PIK3C2G: variants seen among roughly 807,000 people sequenced by gnomAD.
PIK3C2G encodes the protein phosphatidylinositol 3-kinase C2 domain-containing subunit gamma.
Under a neutral mutation model 181.1 loss-of-function variants are expected in PIK3C2G, and 168 were observed. That is an observed-to-expected ratio of 0.93 (90% CI 0.82 to 1.05). The LOEUF (loss-of-function observed/expected upper bound fraction) is 1.05. Among genes scored for constraint, PIK3C2G ranks in the 50% least tolerant of loss-of-function variants. The pLI is 0.00. For missense variants in PIK3C2G, 1,869 were observed against 1,732.8 expected, an observed-to-expected ratio of 1.08 and a Z score of -1.40; for synonymous variants, 573 against 592.2, an observed-to-expected ratio of 0.97 and a Z score of 0.47.
chr12:18,645,681 C>T (rs1376712670), intron 32 of PIK3C2G, among the ~76,000 whole-genome samples: 1 of 152,110 alleles, frequency 6.6e-6, no homozygotes, highest in Non-Finnish European at 1.5e-5. Flanking sequence ...GGCTTTGTAG[C>T]AAGGCTTATA....
intron 30 of PIK3C2G, among the ~76,000 whole-genome samples, chr12:18,601,630 T>C (rs1202426752): frequency 6.6e-6 from 1 of 152,204 alleles, no homozygotes; most frequent in Non-Finnish European, 1.5e-5. Context: ...TTGGGCAGTA[T>C]GGCCATTTTA....
intron 16 of PIK3C2G, among the ~76,000 whole-genome samples, chr12:18,406,350 G>A (rs1944528085): frequency 2.0e-5 from 3 of 152,136 alleles, no homozygotes; most frequent in South Asian, 4.1e-4. Flanking sequence ...TGGGGGTACA[G>A]ATATCTCTTT....
At chr12:18,584,227 G>T (rs1391639544) in intron 29 of PIK3C2G, among the ~76,000 whole-genome samples, 1 of 151,632 alleles carries the variant, frequency 6.6e-6, no homozygotes, top group African/African-American at 2.4e-5. Context: ...TAGAGACAGG[G>T]TTTCACTGTG....
At chr12:18,527,422 T>C (rs1199112740) in intron 24 of PIK3C2G, among the ~76,000 whole-genome samples, 1 of 152,182 alleles carries the variant, frequency 6.6e-6, no homozygotes, top group Non-Finnish European at 1.5e-5. Flanking sequence ...TACATTTTGA[T>C]TATGCACATG....
the PIK3C2G span, chr12:18,699,985 G>A: frequency 6.3e-7 from 1 of 1,579,586 alleles, no homozygotes; most frequent in African/African-American, 1.3e-5. Flanking sequence ...ACATTTTTAT[G>A]CTAATCATTG....
intron 16 of PIK3C2G, among the ~76,000 whole-genome samples, chr12:18,415,503 C>A (rs934646837): frequency 6.6e-6 from 1 of 152,112 alleles, no homozygotes; most frequent in Non-Finnish European, 1.5e-5. Context: ...TCCCTGAGAC[C>A]CTACAATATT....
chr12:18,540,305 C>T (rs935757508), intron 25 of PIK3C2G, among the ~76,000 whole-genome samples: 14 of 151,778 alleles, frequency 9.2e-5, no homozygotes, highest in Non-Finnish European at 1.9e-4. Flanking sequence ...AGGAATAGTA[C>T]CCAATTTTAA....
intron 13 of PIK3C2G, among the ~76,000 whole-genome samples, chr12:18,378,037 C>A (rs930070070): frequency 6.6e-6 from 1 of 152,120 alleles, no homozygotes; most frequent in African/African-American, 2.4e-5. Flanking sequence ...TTGCCCCATA[C>A]ACACATCTAT....
the PIK3C2G span, among the ~76,000 whole-genome samples, chr12:18,700,538 A>AGG: frequency 7.4e-6 from 1 of 135,918 alleles, no homozygotes; most frequent in Non-Finnish European, 1.5e-5. Context: ...AAAAAAAAAT[A>AGG]GTTGCTCTGC....
At chr12:18,513,151 C>T (rs1942321727) in intron 24 of PIK3C2G, among the ~76,000 whole-genome samples, 1 of 151,668 alleles carries the variant, frequency 6.6e-6, no homozygotes, top group African/African-American at 2.4e-5. Flanking sequence ...TCCCTCTGGA[C>T]CATGGTGAAT....
chr12:18,404,427 C>T (rs1322870190), intron 16 of PIK3C2G, among the ~76,000 whole-genome samples: 1 of 152,104 alleles, frequency 6.6e-6, no homozygotes, highest in African/African-American at 2.4e-5. Flanking sequence ...GGGAGAGACT[C>T]AAGCTAGAGG....
At chr12:18,661,809 A>G in the PIK3C2G span, among the ~76,000 whole-genome samples, 1 of 152,242 alleles carries the variant, frequency 6.6e-6, no homozygotes, top group South Asian at 2.1e-4. Context: ...AAGGAATATA[A>G]ATTGTTCTAC....
At chr12:18,457,597 T>A (rs993177634) in intron 18 of PIK3C2G, among the ~76,000 whole-genome samples, 1 of 152,084 alleles carries the variant, frequency 6.6e-6, no homozygotes, top group African/African-American at 2.4e-5. Context: ...AAGTACACAC[T>A]CCCCACTCTC....
chr12:18,314,175 G>GA, intron 6 of PIK3C2G, 111 bp downstream of exon 6: 1 of 591,702 alleles, frequency 1.7e-6, no homozygotes, highest in East Asian at 2.9e-5. Flanking sequence ...ATTAATACAT[G>GA]TTTATTTAAA....
chr12:18,355,936 G>T (rs912727830), intron 11 of PIK3C2G, among the ~76,000 whole-genome samples: 7 of 152,024 alleles, frequency 4.6e-5, no homozygotes, highest in Non-Finnish European at 8.8e-5. Flanking sequence ...AGGAAGGAAA[G>T]ATATCAAAGG....
chr12:18,391,322 A>G, intron 15 of PIK3C2G, 70 bp downstream of exon 15: 2 of 1,187,038 alleles, frequency 1.7e-6, no homozygotes, highest in Non-Finnish European at 2.3e-6. Flanking sequence ...TTCTTGAAGC[A>G]TGATAGCTTC....
chr12:18,371,806 G>A (rs73064594), intron 13 of PIK3C2G, among the ~76,000 whole-genome samples: 13,996 of 152,048 alleles, frequency 0.092, 998 homozygotes, highest in Admixed American at 0.25. Context: ...ACTAATGACC[G>A]TTGCAAAATG....
chr12:18,603,712 A>G (rs1947854692), intron 30 of PIK3C2G, among the ~76,000 whole-genome samples: 1 of 152,050 alleles, frequency 6.6e-6, no homozygotes. Flanking sequence ...TTTGGGCCCT[A>G]TATTCAGCCT....
At chr12:18,627,560 G>A (rs1299371779) in intron 31 of PIK3C2G, among the ~76,000 whole-genome samples, 1 of 152,142 alleles carries the variant, frequency 6.6e-6, no homozygotes, top group Non-Finnish European at 1.5e-5. Flanking sequence ...AATTCTTGTT[G>A]TAAGGAGATA....
Sources: gnomAD v4.1 joint callset for allele counts (sites outside exome capture counted in the v4.1 genomes callset) on GRCh38, gnomAD v4.1.1 for gene constraint, MANE v1.5 for transcripts, NCBI Gene and HGNC (gene_info 2026-07-23, HGNC 2026-07-21) for gene names.